TRPM3: variants seen among roughly 807,000 people sequenced by gnomAD.
TRPM3 encodes long transient receptor potential channel 3.
Under a neutral mutation model 181.2 loss-of-function variants are expected in TRPM3, and 77 were observed. The observed-to-expected ratio is 0.42, with a 90% CI of 0.35 to 0.51. TRPM3 has a LOEUF of 0.51. TRPM3 is among the 20% of genes least tolerant of loss of function. The pLI, the probability that TRPM3 is intolerant of heterozygous loss-of-function variation, is 0.01. For synonymous variants in TRPM3, 745 were observed against 796.4 expected, an observed-to-expected ratio of 0.94 and a Z score of 1.09; for missense variants, 1,759 against 2,196.7, an observed-to-expected ratio of 0.80 and a Z score of 3.98.
chr9:71,193,505 C>T (rs964161150), intron 1 of TRPM3, among the ~76,000 whole-genome samples: 1 of 151,826 alleles, frequency 6.6e-6, no homozygotes, highest in Non-Finnish European at 1.5e-5. Flanking sequence ...CCTAAAATAT[C>T]TATTTTCCCC....
In TRPM3 at chr9:70,536,961, A is replaced by G. The variant is rs1275910368; in HGVS notation, c.4152T>C (p.Ser1384=). The part of the protein sequence containing the change: ...LSLHRATSSH[S]VAKEPKAPAA... ...CAGGAGCTTTGGGTTCTTTTGCTAC[A>G]GAGTGGGAACTAGTAGCCCGGTGTA... The change falls in exon 26 of 26, where the codon TCT becomes TCC. Residue 1384 remains serine, a synonymous_variant. Transcript: ENST00000677713. 3.1e-6 allele frequency: 5 copies of G among 1,614,094 alleles called. No homozygotes were observed. Among genetic ancestry groups the G allele is most frequent in the Non-Finnish European group, 4.2e-6 (5 of 1,179,930 alleles).
intron 1 of TRPM3, among the ~76,000 whole-genome samples, chr9:71,041,192 G>A (rs1224383663): frequency 6.6e-6 from 1 of 152,098 alleles, no homozygotes; most frequent in Non-Finnish European, 1.5e-5. Context: ...CAGTACAGAA[G>A]GAAATTGGGT....
chr9:71,247,049 C>T (rs544963678), intron 1 of TRPM3, among the ~76,000 whole-genome samples: 212 of 152,232 alleles, frequency 1.4e-3, no homozygotes, highest in African/African-American at 4.9e-3. Flanking sequence ...ACAACAGTGG[C>T]AGTGGAGAGG....
intron 22 of TRPM3, among the ~76,000 whole-genome samples, chr9:70,571,984 A>ACTG (rs201686156): frequency 0.26 from 39,078 of 151,594 alleles, 5,604 homozygotes; most frequent in Middle Eastern, 0.34. Context: ...GACTGTTGGC[A>ACTG]TTTGCATACT....
Position 70,776,591 on chromosome 9 carries a change from T to A in TRPM3, c.1148+7514A>T, listed in dbSNP as rs1251767294. Reference sequence around the variant, plus strand: ...TACTAAGCAATAAATCTGTCAGTCCTGTCAAAATGAGTATTTTTATGGCAC... The same window carrying A: ...TACTAAGCAATAAATCTGTCAGTCCAGTCAAAATGAGTATTTTTATGGCAC... On this transcript the variant is annotated intron_variant, in intron 7 of 25. Transcript: ENST00000677713. 5 of 562,400 alleles carry A rather than the reference T, an allele frequency of 8.9e-6. No individual in the cohort carries two copies. In the East Asian group the frequency reaches 1.6e-4, roughly 18 times the overall value. The allele number at this position is 562,400 out of a possible 1,614,324, so 34.8% of individuals were successfully genotyped here. A position where few individuals can be genotyped will look rare whatever the true frequency, so the allele number is the denominator to read the frequency against.
chr9:71,237,246 CTT>C (rs757308910), intron 1 of TRPM3, among the ~76,000 whole-genome samples: 6 of 152,088 alleles, frequency 3.9e-5, no homozygotes, highest in Non-Finnish European at 8.8e-5. Context: ...TGATCAGAGA[CTT>C]AATATGATAA....
intron 14 of TRPM3, among the ~76,000 whole-genome samples, chr9:70,624,388 T>C (rs1331733439): frequency 6.6e-6 from 1 of 152,174 alleles, no homozygotes; most frequent in Non-Finnish European, 1.5e-5. Flanking sequence ...CTCGAACTCC[T>C]GGGCTCAAGC....
chr9:70,567,198 T>C (rs564292725), intron 22 of TRPM3, among the ~76,000 whole-genome samples: 42 of 152,350 alleles, frequency 2.8e-4, no homozygotes, highest in African/African-American at 9.4e-4. Context: ...ACTGAAGCTA[T>C]AGCCAGAGGT....
intron 1 of TRPM3, among the ~76,000 whole-genome samples, chr9:71,432,527 C>T (rs2093973793): frequency 6.6e-6 from 1 of 151,660 alleles, no homozygotes; most frequent in Non-Finnish European, 1.5e-5. Context: ...TAAACCAGAT[C>T]ATTCTCATTT....
chr9:71,213,714 T>C (rs532960295), intron 1 of TRPM3, among the ~76,000 whole-genome samples: 209 of 152,288 alleles, frequency 1.4e-3, no homozygotes, highest in African/African-American at 4.7e-3. Flanking sequence ...GTGGTGATAT[T>C]CTCAACAGAT....
intron 1 of TRPM3, among the ~76,000 whole-genome samples, chr9:71,282,124 G>GA (rs1384576541): frequency 0.036 from 2,971 of 83,072 alleles, 49 homozygotes; most frequent in East Asian, 0.075. Flanking sequence ...GAAAAAGAAA[G>GA]AACGAAAGAA....
At chr9:70,809,702 A>C (rs76770776) in intron 6 of TRPM3, among the ~76,000 whole-genome samples, 2 of 152,334 alleles carry the variant, frequency 1.3e-5, no homozygotes, top group African/African-American at 4.8e-5. Flanking sequence ...TAGTAACCCC[A>C]TCGTTAAGCA....
intron 19 of TRPM3, among the ~76,000 whole-genome samples, chr9:70,608,279 T>C (rs1207504894): frequency 1.3e-5 from 2 of 152,272 alleles, no homozygotes; most frequent in East Asian, 3.8e-4. Flanking sequence ...TTTATTCGGC[T>C]CAAGTTTTTC....
intron 9 of TRPM3, among the ~76,000 whole-genome samples, chr9:70,654,412 T>A (rs899575286): frequency 6.6e-6 from 1 of 151,974 alleles, no homozygotes; most frequent in African/African-American, 2.4e-5. Context: ...AAAAGGCTTG[T>A]CCAGGAAATG....
At position 70,864,535 on chromosome 9, in the gene TRPM3, A is replaced by AAAAG. The variant is rs1554753035; in HGVS notation, c.178-25_178-24insCTTT. ...GCCTGAAAAAGAAAACAAAAAAAAA[A>AAAAG]AAAAAAGAAAAAAGAAAGAAAGGTG... On this transcript the variant is annotated intron_variant, in intron 1 of 25. Transcript: ENST00000677713. 1.2e-5 allele frequency: 18 copies of AAAAG among 1,465,302 alleles called. No homozygotes were observed. The African/African-American group carries it at 1.5e-4, about 12-fold the overall frequency. The allele number at this position is 1,465,302 out of a possible 1,614,324, so 90.8% of individuals were successfully genotyped here.
At chr9:70,570,230 GGT>G (rs1491477917) in intron 22 of TRPM3, among the ~76,000 whole-genome samples, 7 of 39,530 alleles carry the variant, frequency 1.8e-4, no homozygotes, top group Admixed American at 9.3e-4. Flanking sequence ...ATTCAGATTT[GGT>G]TTTTTTTTTT....
intron 8 of TRPM3, among the ~76,000 whole-genome samples, chr9:70,742,592 T>G (rs1022492083): frequency 6.6e-6 from 1 of 152,190 alleles, no homozygotes; most frequent in African/African-American, 2.4e-5. Flanking sequence ...AAAACATTTT[T>G]ATAATTAGAA....
intron 6 of TRPM3, among the ~76,000 whole-genome samples, chr9:70,787,729 A>G (rs972557059): frequency 2.1e-5 from 3 of 139,804 alleles, no homozygotes; most frequent in East Asian, 2.1e-4. Flanking sequence ...AGACACAAAA[A>G]TGTTTCTATG....
intron 3 of TRPM3, among the ~76,000 whole-genome samples, chr9:70,853,975 C>T (rs1038980113): frequency 6.6e-6 from 1 of 152,158 alleles, no homozygotes; most frequent in Non-Finnish European, 1.5e-5. Context: ...TATTCCTATG[C>T]TCATAAAGAT....
Sources: gnomAD v4.1 joint callset for allele counts (sites outside exome capture counted in the v4.1 genomes callset) on GRCh38, gnomAD v4.1.1 for gene constraint, MANE v1.5 for transcripts, NCBI Gene and HGNC (gene_info 2026-07-23, HGNC 2026-07-21) for gene names.